Variants in TTC23L observed in about 807,000 individuals in gnomAD.
TTC23L encodes the protein tetratricopeptide repeat protein 23-like.
TTC23L carries 42 observed loss-of-function variants against 48.1 expected under a neutral mutation model. That is an observed-to-expected ratio of 0.87 (90% CI 0.68 to 1.13). The LOEUF (loss-of-function observed/expected upper bound fraction) is 1.13. Ranked by LOEUF, TTC23L falls within the 50% of genes most tolerant of loss-of-function variation. TTC23L has a pLI of 0.00. For missense variants in TTC23L, 391 were observed against 421.0 expected, an observed-to-expected ratio of 0.93 and a Z score of 0.62; for synonymous variants, 159 against 157.2, an observed-to-expected ratio of 1.01 and a Z score of -0.09.
chr5:34,915,673 G>A, the TTC23L span: 1 of 1,495,592 alleles, frequency 6.7e-7, no homozygotes, highest in Non-Finnish European at 8.9e-7. Context: ...CCGAACCATA[G>A]AGATCGGAAA....
chr5:34,905,344 A>T, the TTC23L span: 1 of 152,214 alleles, frequency 6.6e-6, no homozygotes, highest in Non-Finnish European at 1.5e-5. Context: ...GGAAGTCTCT[A>T]TGTTCTGAAG....
At chr5:34,880,143 T>C (rs1762124793) in intron 8 of TTC23L, 38 bp from the exon 9 acceptor site, 3 of 1,592,984 alleles carry the variant, frequency 1.9e-6, no homozygotes, top group Non-Finnish European at 2.6e-6. Context: ...TTGTAAAGGT[T>C]AGCAGCTTGC....
chr5:34,925,542 G>C, the TTC23L span: 1 of 1,508,362 alleles, frequency 6.6e-7, no homozygotes, highest in Non-Finnish European at 9.0e-7. Context: ...TATTTATTTT[G>C]TATTCAATGT....
At chr5:34,885,107 G>T (rs777127615) in intron 9 of TTC23L, among the ~76,000 whole-genome samples, 3 of 152,182 alleles carry the variant, frequency 2.0e-5, no homozygotes, top group Non-Finnish European at 2.9e-5. Flanking sequence ...ATAATTTCCA[G>T]TGCATACTTA....
intron 9 of TTC23L, among the ~76,000 whole-genome samples, chr5:34,892,434 AGTCT>A (rs1210236007): frequency 1.3e-5 from 2 of 152,372 alleles, no homozygotes; most frequent in Middle Eastern, 3.4e-3. Context: ...CAGGTTGGTT[AGTCT>A]AACTTTTACC....
At chr5:34,922,146 T>C in the TTC23L span, 9 of 839,504 alleles carry the variant, frequency 1.1e-5, no homozygotes, top group Admixed American at 2.1e-4. Context: ...TGGATGATAT[T>C]AATCACATAT....
intron 8 of TTC23L, among the ~76,000 whole-genome samples, chr5:34,873,772 T>A (rs1443769954): frequency 1.3e-5 from 2 of 152,046 alleles, no homozygotes; most frequent in African/African-American, 2.4e-5. Context: ...GAAAGCCTAA[T>A]AAAGAGTAAC....
At chr5:34,906,552 T>A in the TTC23L span, 1 of 152,082 alleles carries the variant, frequency 6.6e-6, no homozygotes, top group Non-Finnish European at 1.5e-5. Context: ...GATGGGAGGA[T>A]TGCTTGAGCC....
chr5:34,916,002 G>C, the TTC23L span: 2 of 1,339,618 alleles, frequency 1.5e-6, no homozygotes. Context: ...AGTAGCCCGG[G>C]TGTTAACGGT....
intron 9 of TTC23L, among the ~76,000 whole-genome samples, chr5:34,883,939 A>G (rs997181200): frequency 6.6e-6 from 1 of 152,234 alleles, no homozygotes; most frequent in Non-Finnish European, 1.5e-5. Context: ...CATCAAAGCC[A>G]TAAAAAGACA....
the TTC23L span, chr5:34,919,934 G>T: frequency 2.0e-3 from 1,368 of 685,320 alleles, 5 homozygotes; most frequent in Non-Finnish European, 2.9e-3. Flanking sequence ...GTTAACAGTG[G>T]CTTATTTCAA....
At chr5:34,849,846 A>G (rs935375889) in intron 3 of TTC23L, among the ~76,000 whole-genome samples, 2 of 152,146 alleles carry the variant, frequency 1.3e-5, no homozygotes, top group South Asian at 4.1e-4. Context: ...AAAGTTTTTC[A>G]TGATAAAAGG....
intron 8 of TTC23L, among the ~76,000 whole-genome samples, chr5:34,871,046 G>A (rs1761418892): frequency 6.6e-6 from 1 of 152,102 alleles, no homozygotes; most frequent in Admixed American, 6.6e-5. Flanking sequence ...CAAGAACAAG[G>A]CAAGGATGTT....
In TTC23L at chr5:34,880,169, C is replaced by T; in HGVS notation, c.950-12C>T. 1 of 1,601,022 alleles carries T rather than the reference C, an allele frequency of 6.2e-7. No homozygotes were observed. The highest frequency in any genetic ancestry group is 1.3e-5 in the African/African-American group (1 of 74,246). On this transcript the variant is annotated splice_polypyrimidine_tract_variant and intron_variant, in intron 8 of 10. Coordinates refer to ENST00000505624, the Ensembl canonical transcript of TTC23L. ...AGCAGCTTGCCTTAAATAATTGTTTCAATTTTTCCAGATGCTGTTGAGATA... is the reference window on the plus strand; with the variant it reads ...AGCAGCTTGCCTTAAATAATTGTTTTAATTTTTCCAGATGCTGTTGAGATA...
At chr5:34,922,893 T>C in the TTC23L span, 1 of 1,218,268 alleles carries the variant, frequency 8.2e-7, no homozygotes, top group Non-Finnish European at 1.2e-6. Flanking sequence ...ATCAATTCTT[T>C]CAGGTACATT....
At chr5:34,871,366 GTATT>G (rs1437328108) in intron 8 of TTC23L, among the ~76,000 whole-genome samples, 1 of 152,054 alleles carries the variant, frequency 6.6e-6, no homozygotes, top group African/African-American at 2.4e-5. Context: ...AATATGTACA[GTATT>G]TATGTGCTGA....
At chr5:34,894,509 A>C (rs1763080346) in intron 9 of TTC23L, among the ~76,000 whole-genome samples, 2 of 152,226 alleles carry the variant, frequency 1.3e-5, no homozygotes, top group Admixed American at 6.5e-5. Flanking sequence ...TCTCTAGGAC[A>C]GGATTATGGA....
the TTC23L span, chr5:34,907,905 C>T: frequency 6.6e-6 from 1 of 152,122 alleles, no homozygotes; most frequent in Non-Finnish European, 1.5e-5. Flanking sequence ...TCCTTTAAAA[C>T]AGTGGTTCCC....
chr5:34,852,399 G>C (rs1759750758), intron 4 of TTC23L, among the ~76,000 whole-genome samples: 1 of 152,146 alleles, frequency 6.6e-6, no homozygotes, highest in Non-Finnish European at 1.5e-5. Flanking sequence ...AGGTAATTTG[G>C]GCCCAGATAT....
Sources: gnomAD v4.1 joint callset for allele counts (sites outside exome capture counted in the v4.1 genomes callset) on GRCh38, gnomAD v4.1.1 for gene constraint, MANE v1.5 for transcripts, NCBI Gene and HGNC (gene_info 2026-07-23, HGNC 2026-07-21) for gene names.